Variants in BTG4 observed in about 807,000 individuals in gnomAD.
BTG4 encodes the protein BTG anti-proliferation factor 4, also known as protein BTG4.
A neutral mutation model predicts 19.3 loss-of-function variants in BTG4; 10 were observed. That is an observed-to-expected ratio of 0.52 (90% CI 0.32 to 0.88). The LOEUF is 0.88. Among genes scored for constraint, BTG4 ranks in the 40% least tolerant of loss-of-function variants. The pLI is 0.04. For synonymous variants in BTG4, 91 were observed against 95.7 expected (o/e 0.95, Z 0.29); for missense variants, 238 against 281.9 (o/e 0.84, Z 1.11).
At chr11:111,436,780 C>T in the BTG4 span, among the ~76,000 whole-genome samples, 4 of 152,224 alleles carry the variant, frequency 2.6e-5, no homozygotes, top group Admixed American at 1.3e-4. Flanking sequence ...TTCACCTTCC[C>T]GCGCCTGCCC....
the BTG4 span, among the ~76,000 whole-genome samples, chr11:111,399,576 C>A: frequency 6.6e-6 from 1 of 152,178 alleles, no homozygotes; most frequent in East Asian, 1.9e-4. Context: ...TCCTGTTTCA[C>A]CTCCCAAATG....
chr11:111,462,476 C>A, the BTG4 span: 5 of 152,602 alleles, frequency 3.3e-5, no homozygotes, highest in Admixed American at 6.5e-5. Flanking sequence ...CAGCAGAAAT[C>A]TCCAGGGAGT....
the BTG4 span, among the ~76,000 whole-genome samples, chr11:111,390,398 C>T: frequency 1.3e-4 from 20 of 152,172 alleles, no homozygotes; most frequent in Admixed American, 2.6e-4. Context: ...GAGAGGCAGC[C>T]AGAACAAATA....
chr11:111,451,610 CA>C, the BTG4 span, among the ~76,000 whole-genome samples: 1 of 152,074 alleles, frequency 6.6e-6, no homozygotes, highest in African/African-American at 2.4e-5. Flanking sequence ...ACTAAAAATA[CA>C]AAATTAGCTG....
chr11:111,500,741 G>A (rs892873393), intron 1 of BTG4, among the ~76,000 whole-genome samples: 16 of 151,806 alleles, frequency 1.1e-4, no homozygotes, highest in African/African-American at 3.9e-4. Context: ...GACTAGCATG[G>A]GACTGTTGCT....
At chr11:111,473,058 T>A (rs534378743) in intron 5 of BTG4, among the ~76,000 whole-genome samples, 1 of 150,554 alleles carries the variant, frequency 6.6e-6, no homozygotes, top group East Asian at 2.0e-4. Context: ...AACTTATGGA[T>A]GAGGAAACCG....
chr11:111,485,862 C>A (rs1288133454), intron 5 of BTG4, among the ~76,000 whole-genome samples: 1 of 152,022 alleles, frequency 6.6e-6, no homozygotes, highest in Non-Finnish European at 1.5e-5. Context: ...GAAAAAAGAT[C>A]TTTCCTGTAG....
At chr11:111,423,633 G>T in the BTG4 span, among the ~76,000 whole-genome samples, 2 of 152,210 alleles carry the variant, frequency 1.3e-5, no homozygotes, top group Non-Finnish European at 1.5e-5. Flanking sequence ...AGGACCTGTC[G>T]ATATCAATGA....
At chr11:111,484,439 T>C (rs960925472) in intron 5 of BTG4, among the ~76,000 whole-genome samples, 4 of 152,116 alleles carry the variant, frequency 2.6e-5, no homozygotes, top group African/African-American at 9.7e-5. Flanking sequence ...TTTTAATAGA[T>C]ACACAGTATA....
At chr11:111,428,848 G>A in the BTG4 span, among the ~76,000 whole-genome samples, 6 of 152,272 alleles carry the variant, frequency 3.9e-5, no homozygotes, top group East Asian at 9.6e-4. Context: ...GTGGTAACCA[G>A]GAATACAGTG....
chr11:111,439,719 T>C, the BTG4 span, among the ~76,000 whole-genome samples: 4 of 152,080 alleles, frequency 2.6e-5, no homozygotes, highest in African/African-American at 9.7e-5. Flanking sequence ...TCCTATTTAC[T>C]TCAGCACTTC....
chr11:111,442,227 G>T, the BTG4 span, among the ~76,000 whole-genome samples: 5 of 151,442 alleles, frequency 3.3e-5, no homozygotes, highest in African/African-American at 1.2e-4. Context: ...GAGATCAGGT[G>T]CGGTGGCTCA....
the BTG4 span, among the ~76,000 whole-genome samples, chr11:111,422,160 C>T: frequency 6.6e-6 from 1 of 152,160 alleles, no homozygotes; most frequent in Non-Finnish European, 1.5e-5. Context: ...CAAAAGGATG[C>T]AGGGGAGGGT....
At chr11:111,469,951 T>C (rs1349417436) in intron 5 of BTG4, 1 of 152,666 alleles carries the variant, frequency 6.6e-6, no homozygotes, top group Non-Finnish European at 1.5e-5. Flanking sequence ...AAATGAAGCA[T>C]GTATCTCCCT....
chr11:111,414,687 C>T, the BTG4 span: 17 of 152,372 alleles, frequency 1.1e-4, no homozygotes, highest in Admixed American at 1.0e-3. Context: ...CACCCCACAT[C>T]AGTATGTTTA....
the BTG4 span, among the ~76,000 whole-genome samples, chr11:111,405,404 C>CAAAAAAAAAAAAAAAAAAAAAAAAAA: frequency 7.5e-5 from 4 of 53,040 alleles, no homozygotes; most frequent in Admixed American, 2.6e-4. Flanking sequence ...GACTCCGTCT[C>CAAAAAAAAAAAAAAAAAAAAAAAAAA]AAAAAAAAAA....
At chr11:111,462,259 C>G in the BTG4 span, 2 of 152,458 alleles carry the variant, frequency 1.3e-5, no homozygotes, top group Non-Finnish European at 2.9e-5. Context: ...GAGCCCCACC[C>G]AGAGCTCCTG....
chr11:111,497,547 T>C, intron 3 of BTG4, 138 bp from the exon 4 acceptor site: 2 of 498,416 alleles, frequency 4.0e-6, no homozygotes, highest in African/African-American at 4.0e-5. Context: ...GACCTTCACC[T>C]ACTACACTGT....
chr11:111,416,584 C>G, the BTG4 span: 8 of 151,984 alleles, frequency 5.3e-5, no homozygotes, highest in African/African-American at 1.9e-4. Context: ...GTTATTATTT[C>G]TTAACAGTGT....
Sources: allele counts gnomAD v4.1 joint callset (sites outside exome capture counted in the v4.1 genomes callset), GRCh38; gene constraint gnomAD v4.1.1; transcripts MANE v1.5; gene names NCBI Gene and HGNC (gene_info 2026-07-23, HGNC 2026-07-21).